TPD52: variants seen among roughly 807,000 people sequenced by gnomAD.
TPD52 encodes tumor protein D52.
Under a neutral mutation model 31.3 loss-of-function variants are expected in TPD52, and 17 were observed. That is an observed-to-expected ratio of 0.54 (90% CI 0.37 to 0.82). The LOEUF (loss-of-function observed/expected upper bound fraction) is 0.82. Ranked by LOEUF, TPD52 falls within the 40% of genes least tolerant of loss-of-function variation. TPD52 has a pLI of 0.00. For missense variants in TPD52, 212 were observed against 240.1 expected (o/e 0.88, Z 0.77); for synonymous variants, 83 against 89.6 (o/e 0.93, Z 0.42).
chr8:80,068,064 T>TG (rs1394241657), intron 1 of TPD52, among the ~76,000 whole-genome samples: 2 of 151,214 alleles, frequency 1.3e-5, no homozygotes, highest in East Asian at 1.9e-4. Flanking sequence ...TTAATGTTGT[T>TG]TTTTTTTTCT....
chr8:80,162,393 A>G (rs1811417902), intron 1 of TPD52, among the ~76,000 whole-genome samples: 1 of 152,202 alleles, frequency 6.6e-6, no homozygotes, highest in Non-Finnish European at 1.5e-5. Context: ...CTAAGATCCC[A>G]AAGTAGATAA....
chr8:80,106,980 T>C (rs1807177916), intron 1 of TPD52, among the ~76,000 whole-genome samples: 1 of 151,474 alleles, frequency 6.6e-6, no homozygotes, highest in Admixed American at 6.6e-5. Flanking sequence ...GCCTCCCGAG[T>C]AGCTGGGACT....
chr8:80,119,203 C>A (rs546495058), intron 1 of TPD52, among the ~76,000 whole-genome samples: 18 of 152,230 alleles, frequency 1.2e-4, no homozygotes, highest in African/African-American at 4.1e-4. Flanking sequence ...TATGACATAT[C>A]CAAAATAGGC....
chr8:80,156,092 A>G (rs930325192), intron 1 of TPD52, among the ~76,000 whole-genome samples: 1 of 152,230 alleles, frequency 6.6e-6, no homozygotes, highest in East Asian at 1.9e-4. Flanking sequence ...TGGCTTGGTC[A>G]GGACAGCTAT....
intron 1 of TPD52, among the ~76,000 whole-genome samples, chr8:80,147,948 G>A (rs1324146900): frequency 2.0e-5 from 3 of 151,662 alleles, no homozygotes; most frequent in African/African-American, 7.3e-5. Flanking sequence ...TAAAATAAAC[G>A]CCACAAGAGT....
chr8:80,052,822 G>T (rs969985805), intron 3 of TPD52: 1 of 284,710 alleles, frequency 3.5e-6, no homozygotes, highest in Non-Finnish European at 6.4e-6. Flanking sequence ...TACACAACAA[G>T]GTTAAAAAAA....
intron 1 of TPD52, among the ~76,000 whole-genome samples, chr8:80,134,844 A>G (rs1179446218): frequency 1.3e-5 from 2 of 152,238 alleles, no homozygotes; most frequent in East Asian, 3.9e-4. Flanking sequence ...GAGCTGCTCC[A>G]AGACTCCTGA....
chr8:80,081,740 T>C (rs1375990599), intron 1 of TPD52, among the ~76,000 whole-genome samples: 2 of 151,926 alleles, frequency 1.3e-5, no homozygotes, highest in African/African-American at 2.4e-5. Context: ...ATACAGAATA[T>C]ATGCTGGATG....
chr8:80,119,948 T>A (rs1736195397), intron 1 of TPD52: 1 of 312,562 alleles, frequency 3.2e-6, no homozygotes, highest in Non-Finnish European at 6.2e-6. Flanking sequence ...AGGACATTAA[T>A]AATTTGGGTA....
chr8:80,086,736 G>T (rs574262193), intron 1 of TPD52, among the ~76,000 whole-genome samples: 25 of 151,684 alleles, frequency 1.6e-4, no homozygotes, highest in African/African-American at 4.8e-4. Flanking sequence ...TAGCTGGTTG[G>T]GGGGGCACGT....
chr8:80,105,014 G>T (rs928515173), intron 1 of TPD52, among the ~76,000 whole-genome samples: 2 of 151,972 alleles, frequency 1.3e-5, no homozygotes, highest in African/African-American at 4.8e-5. Flanking sequence ...GAGCTGAGAT[G>T]TGCCACTGCA....
chr8:80,042,769 C>A, intron 6 of TPD52, 101 bp from the exon 7 acceptor site: 1 of 1,076,988 alleles, frequency 9.3e-7, no homozygotes, highest in South Asian at 1.4e-5. Flanking sequence ...TATTCTCAAT[C>A]GGCAAAAGAA....
In TPD52 at chr8:80,100,806, C is replaced by A. The variant is rs149689865; in HGVS notation, c.20-36213G>T. ...CAGAGAGAGGTTCCCTCTTTCCCAG[C>A]CATTTTGTTCCAATCAGGCCTTCAA... On this transcript the variant is annotated intron_variant, in intron 1 of 7. Coordinates refer to ENST00000518937, the MANE Select transcript of TPD52 (RefSeq NM_001025253.3). Among the ~76,000 whole-genome samples, 814 of 152,322 alleles carry A rather than the reference C, an allele frequency of 5.3e-3. 4 individuals carry two copies. Among genetic ancestry groups the A allele is most frequent in the Non-Finnish European group, 7.1e-3 (482 of 68,032 alleles).
At chr8:80,074,664 C>T (rs1395739021) in intron 1 of TPD52, among the ~76,000 whole-genome samples, 2 of 152,204 alleles carry the variant, frequency 1.3e-5, no homozygotes, top group Non-Finnish European at 2.9e-5. Context: ...TGGTCAAATG[C>T]CCACAGTGGG....
intron 1 of TPD52, among the ~76,000 whole-genome samples, chr8:80,073,907 G>A (rs768898666): frequency 2.0e-5 from 3 of 152,162 alleles, no homozygotes; most frequent in Non-Finnish European, 2.9e-5. Flanking sequence ...ACAGTGTGCA[G>A]TCAAAAGTAC....
At chr8:80,053,138 T>C in intron 3 of TPD52, 144 bp downstream of exon 3, 1 of 896,542 alleles carries the variant, frequency 1.1e-6, no homozygotes, top group Non-Finnish European at 1.6e-6. Context: ...CAGGCACACT[T>C]GAAAATCAGA....
At position 80,109,048 on chromosome 8, in the gene TPD52, T is replaced by A. The variant is rs1266006846; in HGVS notation, c.20-44455A>T. Among the ~76,000 whole-genome samples, 4 of 152,212 alleles carry A rather than the reference T, an allele frequency of 2.6e-5. No individual in the cohort carries two copies. The East Asian group carries it at 7.7e-4, about 29-fold the overall frequency. ...TTGGTTATATTACCAAGGGTCATAT[T>A]TGACAGTGTGCATAGAATGCCTGGC... On this transcript the variant is annotated intron_variant, in intron 1 of 7. Coordinates refer to ENST00000518937, the MANE Select transcript of TPD52 (RefSeq NM_001025253.3).
chr8:80,164,013 T>TGAGAGA (rs36124247), intron 1 of TPD52, among the ~76,000 whole-genome samples: 3,697 of 123,154 alleles, frequency 0.03, 83 homozygotes, highest in Middle Eastern at 0.056. Context: ...ATTCTAACTG[T>TGAGAGA]GAGAGAGAGA....
At chr8:80,073,666 T>C (rs1053092948) in intron 1 of TPD52, among the ~76,000 whole-genome samples, 1 of 152,236 alleles carries the variant, frequency 6.6e-6, no homozygotes, top group South Asian at 2.1e-4. Context: ...ACAGTCAAGT[T>C]AGAAGGAAAG....
Sources: allele counts gnomAD v4.1 joint callset (sites outside exome capture counted in the v4.1 genomes callset), GRCh38; gene constraint gnomAD v4.1.1; transcripts MANE v1.5; gene names NCBI Gene and HGNC (gene_info 2026-07-23, HGNC 2026-07-21).